NRG3: variants seen among roughly 807,000 people sequenced by gnomAD.
The protein encoded by NRG3 is neuregulin 3, also known as pro-neuregulin-3, membrane-bound isoform.
Under a neutral mutation model 66.9 loss-of-function variants are expected in NRG3, and 31 were observed. The ratio of observed to expected loss-of-function variants is 0.46; its 90% CI spans 0.35 to 0.63. NRG3 has a LOEUF of 0.63. Among genes scored for constraint, NRG3 ranks in the 20% least tolerant of loss-of-function variants. The pLI is 0.00. For synonymous variants in NRG3, 393 were observed against 359.4 expected, an observed-to-expected ratio of 1.09 and a Z score of -1.06; for missense variants, 910 against 878.9, an observed-to-expected ratio of 1.04 and a Z score of -0.45.
intron 2 of NRG3, among the ~76,000 whole-genome samples, chr10:82,538,060 G>T (rs1294831211): frequency 6.6e-6 from 1 of 152,128 alleles, no homozygotes; most frequent in Non-Finnish European, 1.5e-5. Context: ...AGGACCAAGT[G>T]AGTTCCAGAG....
chr10:82,386,037 G>A (rs1234381758), intron 2 of NRG3, among the ~76,000 whole-genome samples: 1 of 152,060 alleles, frequency 6.6e-6, no homozygotes, highest in Non-Finnish European at 1.5e-5. Context: ...TCACATCAGT[G>A]AAATCACTTT....
At chr10:82,893,421 G>T (rs2136137347) in intron 4 of NRG3, among the ~76,000 whole-genome samples, 1 of 152,302 alleles carries the variant, frequency 6.6e-6, no homozygotes, top group South Asian at 2.1e-4. Context: ...CAGGCGCGGT[G>T]GCTCACGCCT....
intron 6 of NRG3, among the ~76,000 whole-genome samples, chr10:82,971,969 T>C (rs1851796253): frequency 2.0e-5 from 3 of 152,170 alleles, no homozygotes; most frequent in Admixed American, 1.3e-4. Flanking sequence ...CTCTGTTGTT[T>C]TTAAATTAGC....
chr10:82,709,957 G>A (rs1191456659), intron 2 of NRG3, among the ~76,000 whole-genome samples: 2 of 152,286 alleles, frequency 1.3e-5, no homozygotes, highest in East Asian at 3.9e-4. Context: ...TTGGACCCAA[G>A]AGATTGCTGA....
chr10:82,704,538 G>A (rs1249270220), intron 2 of NRG3, among the ~76,000 whole-genome samples: 1 of 152,108 alleles, frequency 6.6e-6, no homozygotes, highest in Admixed American at 6.6e-5. Context: ...GGAGGAACTT[G>A]TACTAGTTTG....
At chr10:82,784,142 A>C (rs961847847) in intron 3 of NRG3, among the ~76,000 whole-genome samples, 6 of 152,114 alleles carry the variant, frequency 3.9e-5, no homozygotes, top group African/African-American at 1.4e-4. Context: ...TGCTGGGAAA[A>C]CTGGCTAGCC....
intron 1 of NRG3, among the ~76,000 whole-genome samples, chr10:82,047,698 A>G (rs1213782522): frequency 1.3e-5 from 2 of 151,658 alleles, no homozygotes. Context: ...TCAACTAATG[A>G]GCAAAACAAC....
At chr10:82,283,501 A>G (rs2079236149) in intron 1 of NRG3, among the ~76,000 whole-genome samples, 1 of 152,184 alleles carries the variant, frequency 6.6e-6, no homozygotes, top group Non-Finnish European at 1.5e-5. Context: ...AGTTCAACCT[A>G]TATATAGCCA....
intron 2 of NRG3, among the ~76,000 whole-genome samples, chr10:82,531,986 A>G (rs1185050515): frequency 6.6e-6 from 1 of 151,870 alleles, no homozygotes; most frequent in East Asian, 1.9e-4. Flanking sequence ...ATTCAATTCT[A>G]TAAATTTGAT....
intron 6 of NRG3, among the ~76,000 whole-genome samples, chr10:82,970,965 T>C (rs1851668864): frequency 6.6e-6 from 1 of 152,198 alleles, no homozygotes. Context: ...TTCTGTAGGC[T>C]GTACAAGAAG....
At chr10:82,320,099 A>G (rs1222472581) in intron 1 of NRG3, among the ~76,000 whole-genome samples, 1 of 152,236 alleles carries the variant, frequency 6.6e-6, no homozygotes, top group Admixed American at 6.5e-5. Flanking sequence ...TGCAGTGCAC[A>G]GGAGCATACC....
chr10:82,069,838 AG>A (rs910847398), intron 1 of NRG3, among the ~76,000 whole-genome samples: 2 of 152,214 alleles, frequency 1.3e-5, no homozygotes, highest in Non-Finnish European at 2.9e-5. Flanking sequence ...TGGTTAGCAT[AG>A]CTTGTTTGTC....
chr10:82,488,793 C>T (rs1015467607), intron 2 of NRG3, among the ~76,000 whole-genome samples: 2 of 152,094 alleles, frequency 1.3e-5, no homozygotes, highest in Admixed American at 6.5e-5. Flanking sequence ...TGATTTAATA[C>T]CATATTCTGT....
intron 2 of NRG3, among the ~76,000 whole-genome samples, chr10:82,648,355 T>C (rs937525740): frequency 6.6e-6 from 1 of 151,992 alleles, no homozygotes; most frequent in Non-Finnish European, 1.5e-5. Flanking sequence ...TTCTGTTCCA[T>C]TGATCTATAT....
chr10:82,549,402 C>A (rs59233423), intron 2 of NRG3, among the ~76,000 whole-genome samples: 1 of 152,028 alleles, frequency 6.6e-6, no homozygotes, highest in Non-Finnish European at 1.5e-5. Flanking sequence ...GGGTGAGACA[C>A]GAAATGGTTT....
intron 1 of NRG3, among the ~76,000 whole-genome samples, chr10:81,896,563 CTT>C (rs1439533446): frequency 6.6e-6 from 1 of 151,532 alleles, no homozygotes; most frequent in African/African-American, 2.4e-5. Context: ...ATCTTACTGA[CTT>C]TTCAATCTCT....
Position 82,985,723 on chromosome 10 carries a change from T to A in NRG3, c.*118T>A. ...CATCTACTTAGAAGAAACCAAATAG[T>A]CTATCGCCCTCATATCATAGTGTTT... On this transcript the variant is annotated 3_prime_UTR_variant, in exon 9 of 9. Coordinates refer to ENST00000372141, the MANE Select transcript of NRG3 (RefSeq NM_001010848.4). 1 of 1,056,274 alleles carries A rather than the reference T, an allele frequency of 9.5e-7. No individual in the cohort carries two copies. The highest frequency in any genetic ancestry group is 2.4e-5 in the East Asian group (1 of 41,190). 65.4% of individuals were successfully genotyped at this position (1,056,274 alleles called of 1,614,324 possible). A position where few individuals can be genotyped will look rare whatever the true frequency, so the allele number is the denominator to read the frequency against.
intron 1 of NRG3, among the ~76,000 whole-genome samples, chr10:82,089,152 G>A (rs2065888549): frequency 1.3e-5 from 2 of 152,116 alleles, no homozygotes; most frequent in South Asian, 4.1e-4. Context: ...GTGAGCAATG[G>A]GCAAATAAGT....
intron 1 of NRG3, among the ~76,000 whole-genome samples, chr10:82,238,394 G>A (rs1488069520): frequency 6.6e-6 from 1 of 152,066 alleles, no homozygotes; most frequent in Non-Finnish European, 1.5e-5. Context: ...TCATCCATGA[G>A]GTGACAACTA....
Sources: allele counts gnomAD v4.1 joint callset (sites outside exome capture counted in the v4.1 genomes callset), GRCh38; gene constraint gnomAD v4.1.1; transcripts MANE v1.5; gene names NCBI Gene and HGNC (gene_info 2026-07-23, HGNC 2026-07-21).